GTF2IRD2: variants seen among roughly 807,000 people sequenced by gnomAD.
GTF2IRD2 encodes general transcription factor II-I repeat domain-containing protein 2A.
A neutral mutation model predicts 49.2 loss-of-function variants in GTF2IRD2; 8 were observed. The ratio of observed to expected loss-of-function variants is 0.16; its 90% CI spans 0.10 to 0.29. The LOEUF (loss-of-function observed/expected upper bound fraction) is 0.29. GTF2IRD2 is among the 10% of genes least tolerant of loss of function. GTF2IRD2 has a pLI of 1.00. For synonymous variants in GTF2IRD2, 47 were observed against 289.7 expected, an observed-to-expected ratio of 0.16 and a Z score of 8.51; for missense variants, 130 against 725.7, an observed-to-expected ratio of 0.18 and a Z score of 9.43.
chr7:74,841,126 G>T lies in GTF2IRD2; in HGVS notation c.-5-4743C>A, dbSNP rs1245553415. 6.3e-5 allele frequency among the ~76,000 whole-genome samples: 9 copies of T among 142,672 alleles called. 1 individual carries two copies. Among genetic ancestry groups the T allele is most frequent in the Non-Finnish European group, 1.1e-4 (7 of 66,556 alleles). The allele number at this position is 142,672 out of a possible 152,430, so 93.6% of individuals were successfully genotyped here. ...AGCCTCCCAGAGTGCTGGGTCTACA[G>T]GCGTGAGCCACCATGCCCAGCCTTA... On this transcript the variant is annotated intron_variant, in intron 1 of 15. Coordinates refer to ENST00000451013, the MANE Select transcript of GTF2IRD2 (RefSeq NM_173537.5).
chr7:74,841,665 T>C (rs1800842492), intron 1 of GTF2IRD2, among the ~76,000 whole-genome samples: 1 of 142,968 alleles, frequency 7.0e-6, no homozygotes, highest in Non-Finnish European at 1.5e-5. Flanking sequence ...TTCTGACCTT[T>C]TATGAATCCC....
chr7:74,829,555 G>A (rs1799650128), intron 3 of GTF2IRD2, among the ~76,000 whole-genome samples: 1 of 146,994 alleles, frequency 6.8e-6, no homozygotes, highest in African/African-American at 2.5e-5. Context: ...AATCTCAAGG[G>A]CACTTCTCGT....
chr7:74,806,360 A>G, intron 12 of GTF2IRD2, among the ~76,000 whole-genome samples: 1 of 125,838 alleles, frequency 7.9e-6, no homozygotes, highest in East Asian at 3.0e-4. Context: ...CCCAGGCTGG[A>G]GTGCAGTGGT....
rs1554420189 is a variant in GTF2IRD2 at position 74,829,887 on chromosome 7, C to CA, written c.238+2917dup. 3.2e-3 allele frequency among the ~76,000 whole-genome samples: 190 copies of CA among 59,856 alleles called. 2 individuals carry two copies. In the South Asian group the frequency reaches 0.034, roughly 11 times the overall value. 39.3% of individuals were successfully genotyped at this position (59,856 alleles called of 152,430 possible). A position where few individuals can be genotyped will look rare whatever the true frequency, so the allele number is the denominator to read the frequency against. On this transcript the variant is annotated intron_variant, in intron 3 of 15. Coordinates refer to ENST00000451013, the MANE Select transcript of GTF2IRD2 (RefSeq NM_173537.5). ...TGGGCGATAGAGCGAGATTCTGTCTCAAAAAAAAAAAAAAATTCATATGGA... is the reference window on the plus strand; with the variant it reads ...TGGGCGATAGAGCGAGATTCTGTCTCAAAAAAAAAAAAAAAATTCATATGGA...
intron 10 of GTF2IRD2, among the ~76,000 whole-genome samples, chr7:74,809,799 A>T (rs1340925503): frequency 7.4e-6 from 1 of 135,100 alleles, no homozygotes; most frequent in East Asian, 2.1e-4. Flanking sequence ...TATTATTATT[A>T]TTATTATCAT....
Position 74,834,782 on chromosome 7 carries a change from T to C in GTF2IRD2, c.99+1498A>G, listed in dbSNP as rs797024257. On this transcript the variant is annotated intron_variant, in intron 2 of 15. Coordinates refer to ENST00000451013, the MANE Select transcript of GTF2IRD2 (RefSeq NM_173537.5). ...AGTGTCATGATAGCTCATGATAGCT[T>C]ACTGCAGACTTGAACTCCTGGGCTC... is the stretch of plus-strand genomic sequence containing the variant. 2.0e-3 allele frequency among the ~76,000 whole-genome samples: 213 copies of C among 105,956 alleles called. 2 individuals are homozygous for C. Among genetic ancestry groups the C allele is most frequent in the African/African-American group, 3.2e-3 (52 of 16,198 alleles). The allele number at this position is 105,956 out of a possible 152,430, so 69.5% of individuals were successfully genotyped here.
At chr7:74,818,820 G>A (rs1336543085) in intron 8 of GTF2IRD2, 3 of 151,238 alleles carry the variant, frequency 2.0e-5, no homozygotes, top group South Asian at 2.1e-4. Context: ...GTTAATTCAC[G>A]CCCTGGTCTT....
rs1408584773 is a variant in GTF2IRD2, at chr7:74,802,072, T to TAGTG, written c.1218-60_1218-59insCACT. 6 of 33,848 alleles carry TAGTG rather than the reference T, an allele frequency of 1.8e-4. 1 individual carries two copies. The highest frequency in any genetic ancestry group is 1.5e-3 in the African/African-American group (6 of 4,122). The allele number at this position is 33,848 out of a possible 1,614,324, so 2.1% of individuals were successfully genotyped here. The stretch of plus-strand genomic sequence containing the variant: ...GCTCACATTTCCTCTTTTGCCCACT[T>TAGTG]AGTTTTATTTTTTTTTAATTTTTAC... On this transcript the variant is annotated intron_variant, in intron 14 of 15. Coordinates refer to ENST00000451013, the MANE Select transcript of GTF2IRD2 (RefSeq NM_173537.5).
At chr7:74,822,194 C>T (rs1798961124) in intron 6 of GTF2IRD2, 2 of 375,026 alleles carry the variant, frequency 5.3e-6, no homozygotes, top group Non-Finnish European at 1.0e-5. Context: ...CTACACGCGC[C>T]CGCCACCACG....
chr7:74,813,810 C>A (rs1246783164), intron 8 of GTF2IRD2, among the ~76,000 whole-genome samples: 2 of 137,544 alleles, frequency 1.5e-5, no homozygotes, highest in African/African-American at 5.1e-5. Context: ...ACCCACCCAC[C>A]TTGGTCTCTC....
At chr7:74,836,116 A>C (rs1410716040) in intron 2 of GTF2IRD2, among the ~76,000 whole-genome samples, 164 bp downstream of exon 2, 2 of 137,228 alleles carry the variant, frequency 1.5e-5, no homozygotes, top group Non-Finnish European at 3.0e-5. Flanking sequence ...GGTTGCCGTG[A>C]GCTGAGATTG....
At chr7:74,806,450 C>T (rs1169361642) in intron 12 of GTF2IRD2, among the ~76,000 whole-genome samples, 2 of 151,288 alleles carry the variant, frequency 1.3e-5, no homozygotes, top group Non-Finnish European at 3.0e-5. Flanking sequence ...GCTGGGACTA[C>T]AGGTGCTCGC....
intron 8 of GTF2IRD2, among the ~76,000 whole-genome samples, chr7:74,815,805 A>AGAAAGAAG (rs1798468717): frequency 8.2e-5 from 4 of 48,768 alleles, no homozygotes; most frequent in African/African-American, 2.5e-4. Context: ...AAGGAAAGAA[A>AGAAAGAAG]GAAAGAAAGA....
intron 4 of GTF2IRD2, among the ~76,000 whole-genome samples, chr7:74,824,281 C>T (rs1799182611): frequency 1.5e-5 from 1 of 66,166 alleles, no homozygotes; most frequent in Non-Finnish European, 2.6e-5. Flanking sequence ...CCAACCTGGC[C>T]AACATGGCAA....
chr7:74,819,902 T>C, intron 7 of GTF2IRD2, 67 bp downstream of exon 7: 1 of 1,585,428 alleles, frequency 6.3e-7, no homozygotes, highest in Non-Finnish European at 8.6e-7. Flanking sequence ...TAAGGAGGCC[T>C]TTCTGTCATC....
chr7:74,822,231 A>T lies in GTF2IRD2; in HGVS notation c.571+196T>A, dbSNP rs587636409. The T allele has an allele frequency of 9.5e-4, 529 of 556,062 alleles. 27 individuals carry two copies. In the African/African-American group the frequency reaches 0.01, roughly 11 times the overall value. The allele number at this position is 556,062 out of a possible 1,614,324, so 34.4% of individuals were successfully genotyped here. A position where few individuals can be genotyped will look rare whatever the true frequency, so the allele number is the denominator to read the frequency against. On this transcript the variant is annotated intron_variant, in intron 6 of 15. Transcript: ENST00000451013. Reference sequence around the variant, plus strand: ...CCGGCTAATTTTTTTTCGTATTTTTAGTACAGACTGGGCTTCACCGTGTTA... The same window carrying T: ...CCGGCTAATTTTTTTTCGTATTTTTTGTACAGACTGGGCTTCACCGTGTTA...
At chr7:74,842,056 G>A (rs1306358432) in intron 1 of GTF2IRD2, among the ~76,000 whole-genome samples, 6 of 106,876 alleles carry the variant, frequency 5.6e-5, no homozygotes, top group East Asian at 3.0e-4. Context: ...CCCGGGAGGC[G>A]GAGGTTGCAG....
At position 74,832,787 on chromosome 7, in the gene GTF2IRD2, T is replaced by TA. The variant is rs1799948205; in HGVS notation, c.238+17dup. On this transcript the variant is annotated intron_variant, in intron 3 of 15. Coordinates refer to ENST00000451013, the MANE Select transcript of GTF2IRD2 (RefSeq NM_173537.5). The stretch of plus-strand genomic sequence containing the variant: ...CTTTTGAGATTGGGAATACAAAGGA[T>TA]AAAATTAAAACACCTACAGTATTTT... The TA allele has an allele frequency of 1.0e-6, 1 of 990,358 alleles. No homozygotes were observed. The highest frequency in any genetic ancestry group is 1.5e-6 in the Non-Finnish European group (1 of 669,974). The allele number at this position is 990,358 out of a possible 1,614,324, so 61.3% of individuals were successfully genotyped here.
chr7:74,811,698 C>G (rs1175379416), intron 9 of GTF2IRD2, among the ~76,000 whole-genome samples: 10 of 54,116 alleles, frequency 1.8e-4, no homozygotes, highest in Non-Finnish European at 4.1e-4. Flanking sequence ...CAGGTGTGTG[C>G]CACCATGCCC....
Sources: gnomAD v4.1 joint callset for allele counts (sites outside exome capture counted in the v4.1 genomes callset) on GRCh38, gnomAD v4.1.1 for gene constraint, MANE v1.5 for transcripts, NCBI Gene and HGNC (gene_info 2026-07-23, HGNC 2026-07-21) for gene names.